Variants in NEDD4L observed in about 807,000 individuals in gnomAD.
The protein encoded by NEDD4L is E3 ubiquitin-protein ligase NEDD4-like.
A neutral mutation model predicts 148.9 loss-of-function variants in NEDD4L; 54 were observed. The ratio of observed to expected loss-of-function variants is 0.36; its 90% CI spans 0.29 to 0.45. The LOEUF is 0.45. Among genes scored for constraint, NEDD4L ranks in the 20% least tolerant of loss-of-function variants. The pLI, the probability that NEDD4L is intolerant of heterozygous loss-of-function variation, is 1.00. For synonymous variants in NEDD4L, 433 were observed against 440.7 expected (o/e 0.98, Z 0.22); for missense variants, 856 against 1,233.8 (o/e 0.69, Z 4.59).
chr18:58,086,551 G>T (rs2083768799), intron 1 of NEDD4L, among the ~76,000 whole-genome samples: 1 of 152,126 alleles, frequency 6.6e-6, no homozygotes, highest in African/African-American at 2.4e-5. Flanking sequence ...AAACTTTCAA[G>T]TCTCTCATTT....
chr18:58,212,324 G>T (rs1255439451), intron 2 of NEDD4L, among the ~76,000 whole-genome samples: 2 of 152,016 alleles, frequency 1.3e-5, no homozygotes, highest in African/African-American at 2.4e-5. Flanking sequence ...CCTGAGACGG[G>T]GCAATTTAGA....
intron 5 of NEDD4L, among the ~76,000 whole-genome samples, chr18:58,290,089 A>T (rs1045750512): frequency 6.6e-6 from 1 of 152,268 alleles, no homozygotes; most frequent in Admixed American, 6.5e-5. Context: ...TTTACTGTAA[A>T]TTAATATCAT....
intron 11 of NEDD4L, 85 bp from the exon 12 acceptor site, chr18:58,333,733 G>A: frequency 1.1e-6 from 1 of 893,782 alleles, no homozygotes. Context: ...GGTGAATATG[G>A]TTGAGTGATA....
chr18:58,162,157 TC>T (rs1197507637), intron 1 of NEDD4L, among the ~76,000 whole-genome samples: 2 of 152,180 alleles, frequency 1.3e-5, no homozygotes, highest in East Asian at 3.8e-4. Context: ...TCTGCCCTGT[TC>T]CCTCACAGCA....
chr18:58,365,976 GTTTTC>G lies in NEDD4L; in HGVS notation c.1834-18_1834-14del. ...GTGTGTATTTACTGTATGATTATGT[GTTTTC>G]TTTTGTCTTTTGTGTAGGCTGATAT... On this transcript the variant is annotated intron_variant, in intron 20 of 30. Transcript: ENST00000400345. 6.6e-7 allele frequency: 1 copy of G among 1,524,124 alleles called. No homozygotes were observed. 94.4% of individuals were successfully genotyped at this position (1,524,124 alleles called of 1,614,324 possible). A position where few individuals can be genotyped will look rare whatever the true frequency, so the allele number is the denominator to read the frequency against.
At chr18:58,264,196 A>G (rs1600417257) in intron 5 of NEDD4L, among the ~76,000 whole-genome samples, 1 of 152,128 alleles carries the variant, frequency 6.6e-6, no homozygotes, top group African/African-American at 2.4e-5. Context: ...TATAAAATCC[A>G]GAAACGATGT....
In NEDD4L at chr18:58,323,244, A is replaced by T. The variant is rs1203565028; in HGVS notation, c.423A>T (p.Arg141=). ...ATTATGTGTGCAGTCATAAGTCTCGAGTTAAGGGATTTTTGCGATTGAAAA... is the reference window on the plus strand; with the variant it reads ...ATTATGTGTGCAGTCATAAGTCTCGTGTTAAGGGATTTTTGCGATTGAAAA... The part of the protein sequence containing the change: ...FLLRPRSHKS[R]VKGFLRLKMA... The change falls in exon 8 of 31, where the codon CGA becomes CGT. Residue 141 remains arginine (R), a synonymous_variant. Coordinates refer to ENST00000400345, the MANE Select transcript of NEDD4L (RefSeq NM_001144967.3). The T allele has an allele frequency of 1.3e-6, 2 of 1,598,206 alleles. No homozygotes were observed. Among genetic ancestry groups the T allele is most frequent in the Non-Finnish European group, 1.7e-6 (2 of 1,169,460 alleles).
intron 18 of NEDD4L, among the ~76,000 whole-genome samples, chr18:58,351,732 G>GA (rs2043915133): frequency 6.6e-6 from 1 of 151,904 alleles, no homozygotes; most frequent in African/African-American, 2.4e-5. Flanking sequence ...TAAATTTTCT[G>GA]AAAAAGTATA....
At chr18:58,146,367 G>A (rs1316129190) in intron 1 of NEDD4L, among the ~76,000 whole-genome samples, 3 of 152,152 alleles carry the variant, frequency 2.0e-5, no homozygotes, top group Admixed American at 2.0e-4. Context: ...TGTGGATTGA[G>A]GGTGCTATGT....
intron 1 of NEDD4L, among the ~76,000 whole-genome samples, chr18:58,163,955 A>T (rs1380560690): frequency 1.3e-5 from 2 of 152,002 alleles, no homozygotes; most frequent in African/African-American, 4.8e-5. Flanking sequence ...GTCTTGACTA[A>T]ACATGTTGGG....
chr18:58,146,961 C>A (rs1418427143), intron 1 of NEDD4L, among the ~76,000 whole-genome samples: 1 of 152,054 alleles, frequency 6.6e-6, no homozygotes, highest in African/African-American at 2.4e-5. Flanking sequence ...GAGAAGGACA[C>A]GTGGGTAAGG....
At chr18:58,157,839 G>A (rs1411217172) in intron 1 of NEDD4L, among the ~76,000 whole-genome samples, 2 of 152,078 alleles carry the variant, frequency 1.3e-5, no homozygotes, top group South Asian at 2.1e-4. Flanking sequence ...GGAAAATCTC[G>A]ACTTAGCAAA....
chr18:58,128,664 TA>T (rs1462659986), intron 1 of NEDD4L, among the ~76,000 whole-genome samples: 9 of 152,224 alleles, frequency 5.9e-5, no homozygotes, highest in Non-Finnish European at 1.2e-4. Flanking sequence ...CTGTGCTTTG[TA>T]GGCAGCTATG....
At chr18:58,352,031 G>A (rs543882500) in intron 18 of NEDD4L, among the ~76,000 whole-genome samples, 10 of 152,294 alleles carry the variant, frequency 6.6e-5, no homozygotes, top group Admixed American at 5.2e-4. Context: ...GGCCCTGGGG[G>A]TTGAGGGCTT....
intron 5 of NEDD4L, among the ~76,000 whole-genome samples, chr18:58,276,409 A>G (rs542819550): frequency 6.6e-6 from 1 of 151,890 alleles, no homozygotes; most frequent in Non-Finnish European, 1.5e-5. Flanking sequence ...AGTTTTCGCC[A>G]TGTTGGCCAG....
chr18:58,340,734 A>T (rs183889568), intron 13 of NEDD4L, among the ~76,000 whole-genome samples: 29 of 152,306 alleles, frequency 1.9e-4, no homozygotes, highest in African/African-American at 7.0e-4. Flanking sequence ...AGAACAGATG[A>T]TAATGTTTTT....
At chr18:58,281,142 T>G (rs2053005658) in intron 5 of NEDD4L, among the ~76,000 whole-genome samples, 1 of 151,680 alleles carries the variant, frequency 6.6e-6, no homozygotes, top group Admixed American at 6.6e-5. Context: ...CATACCCAGC[T>G]AATCTTTTAT....
intron 1 of NEDD4L, among the ~76,000 whole-genome samples, chr18:58,080,980 A>G (rs920315548): frequency 6.6e-6 from 1 of 152,162 alleles, no homozygotes; most frequent in Non-Finnish European, 1.5e-5. Context: ...AGTCCTCAGC[A>G]TCGGAACTCC....
At chr18:58,221,730 T>A in intron 2 of NEDD4L, 1 of 985,386 alleles carries the variant, frequency 1.0e-6, no homozygotes, top group East Asian at 1.1e-4. Context: ...CCAGCCTTGT[T>A]TTTCAGCAGC....
Sources: allele counts gnomAD v4.1 joint callset (sites outside exome capture counted in the v4.1 genomes callset), GRCh38; gene constraint gnomAD v4.1.1; transcripts MANE v1.5; gene names NCBI Gene and HGNC (gene_info 2026-07-23, HGNC 2026-07-21).